The following ATP13A4 variants were observed in gnomAD, a reference collection of about 807,000 sequenced individuals.
The protein encoded by ATP13A4 is ATPase 13A4.
Under a neutral mutation model 142.5 loss-of-function variants are expected in ATP13A4, and 114 were observed. The observed-to-expected ratio is 0.80, with a 90% confidence interval of 0.69 to 0.93. The LOEUF (loss-of-function observed/expected upper bound fraction) is 0.93, where lower values mean the gene tolerates loss of function less well. ATP13A4 is among the 40% of genes least tolerant of loss of function. The pLI is 0.00. For missense variants in ATP13A4, 1,392 were observed against 1,454.0 expected, an observed-to-expected ratio of 0.96 and a Z score of 0.69; for synonymous variants, 488 against 514.8, an observed-to-expected ratio of 0.95 and a Z score of 0.70.
In ATP13A4 at chr3:193,461,235, TAAG is replaced by T. The variant is rs147502182; in HGVS notation, c.1523+1524_1523+1526del. On this transcript the variant is annotated intron_variant, in intron 13 of 29. Transcript: ENST00000342695. Reference sequence around the variant, plus strand: ...TATGAATAGTTTGGTGTCAATGGAATAAGAAGAACATTCAAAAGACAGAACATA... The same window carrying T: ...TATGAATAGTTTGGTGTCAATGGAATAAGAACATTCAAAAGACAGAACATA... 2.9e-3 allele frequency among the ~76,000 whole-genome samples: 449 copies of T among 152,304 alleles called. 4 individuals are homozygous for T. The highest frequency in any genetic ancestry group is 0.01 in the African/African-American group (417 of 41,576).
At chr3:193,488,822 G>C (rs987127902) in intron 7 of ATP13A4, among the ~76,000 whole-genome samples, 4 of 152,300 alleles carry the variant, frequency 2.6e-5, no homozygotes, top group African/African-American at 9.6e-5. Flanking sequence ...GAGAACTTGA[G>C]AATGTTAAAA....
intron 25 of ATP13A4, among the ~76,000 whole-genome samples, chr3:193,432,955 G>A (rs2108616470): frequency 6.6e-6 from 1 of 152,254 alleles, no homozygotes; most frequent in Middle Eastern, 3.4e-3. Context: ...GAACTGTAAT[G>A]TAAACGATGG....
At chr3:193,577,369 C>T (rs1724417937) in intron 2 of ATP13A4, among the ~76,000 whole-genome samples, 1 of 152,170 alleles carries the variant, frequency 6.6e-6, no homozygotes, top group African/African-American at 2.4e-5. Flanking sequence ...TCTTCTGCAC[C>T]TTTACTCTTA....
In ATP13A4 at chr3:193,554,870, G is replaced by A. The variant is rs919806229; in HGVS notation, c.-71C>T. 128 of 1,612,738 alleles carry A rather than the reference G, an allele frequency of 7.9e-5. 1 individual carries two copies. The East Asian group carries it at 2.3e-3, about 29-fold the overall frequency. ...CTTCCAGGATGAACTCCAACTCGCC[G>A]AGCCACCGCAGCTCCTCAGCTGACT... On this transcript the variant is annotated 5_prime_UTR_variant, in exon 1 of 30. Coordinates refer to ENST00000342695, the MANE Select transcript of ATP13A4 (RefSeq NM_032279.4).
At chr3:193,570,479 T>C (rs927968613) in intron 2 of ATP13A4, among the ~76,000 whole-genome samples, 8 of 152,336 alleles carry the variant, frequency 5.3e-5, no homozygotes, top group South Asian at 2.1e-4. Context: ...TTATAAATTA[T>C]ATACTAGCAA....
chr3:193,465,203 T>C (rs1718198294), intron 11 of ATP13A4, 75 bp from the exon 12 acceptor site: 1 of 1,491,182 alleles, frequency 6.7e-7, no homozygotes, highest in Non-Finnish European at 9.1e-7. Flanking sequence ...CCTTTTTTTT[T>C]TGAGGCGGAG....
chr3:193,528,870 A>G (rs575215326), intron 1 of ATP13A4, among the ~76,000 whole-genome samples: 1 of 8,004 alleles, frequency 1.2e-4, no homozygotes, highest in Admixed American at 2.0e-3. Context: ...TTTTTATTCA[A>G]TGGTCCATTT....
intron 1 of ATP13A4, among the ~76,000 whole-genome samples, chr3:193,592,702 T>A (rs1194816566): frequency 6.6e-6 from 1 of 152,200 alleles, no homozygotes; most frequent in African/African-American, 2.4e-5. Context: ...TCCCATCTGA[T>A]CCTCAGAGAT....
intron 19 of ATP13A4, among the ~76,000 whole-genome samples, chr3:193,441,896 T>C (rs1258993784): frequency 6.6e-6 from 1 of 152,168 alleles, no homozygotes; most frequent in Non-Finnish European, 1.5e-5. Context: ...AACAAATTTC[T>C]CCCTGAAATG....
chr3:193,419,629 C>T (rs953196653), intron 25 of ATP13A4, among the ~76,000 whole-genome samples: 8 of 148,698 alleles, frequency 5.4e-5, no homozygotes, highest in African/African-American at 1.2e-4. Context: ...ATGCTTTGGC[C>T]GAGCTCGCAG....
At chr3:193,545,071 CA>C (rs1723146569) in intron 1 of ATP13A4, among the ~76,000 whole-genome samples, 2 of 152,166 alleles carry the variant, frequency 1.3e-5, no homozygotes, top group Non-Finnish European at 2.9e-5. Flanking sequence ...GTCAATGTGA[CA>C]TGTTAAATAT....
intron 25 of ATP13A4, among the ~76,000 whole-genome samples, chr3:193,415,276 A>AT (rs996189079): frequency 1.3e-5 from 2 of 152,212 alleles, no homozygotes; most frequent in Non-Finnish European, 2.9e-5. Context: ...AAAACACTTA[A>AT]TGACAAATAA....
chr3:193,459,589 C>T (rs1211788101), intron 13 of ATP13A4, among the ~76,000 whole-genome samples: 1 of 152,144 alleles, frequency 6.6e-6, no homozygotes, highest in Admixed American at 6.5e-5. Context: ...AGGCAGCCAC[C>T]ACCATGTCAG....
At chr3:193,510,214 A>C (rs1182031851) in intron 2 of ATP13A4, among the ~76,000 whole-genome samples, 1 of 152,190 alleles carries the variant, frequency 6.6e-6, no homozygotes. Flanking sequence ...ACACTGGCAG[A>C]CTTTAAGATG....
chr3:193,418,203 G>C (rs1715203589), intron 25 of ATP13A4, among the ~76,000 whole-genome samples: 1 of 130,904 alleles, frequency 7.6e-6, no homozygotes, highest in Non-Finnish European at 1.5e-5. Context: ...TGTAGTCCCA[G>C]CTACTCAGGA....
chr3:193,489,406 C>T lies in ATP13A4; in HGVS notation c.738+324G>A, dbSNP rs535823422. The stretch of plus-strand genomic sequence containing the variant: ...TCCTCCACCTTCCAGCTCTCTGCCA[C>T]CATCCTCAAGTCCCATCAGTATTCT... On this transcript the variant is annotated intron_variant, in intron 7 of 29. Transcript: ENST00000342695. Among the ~76,000 whole-genome samples the T allele has an allele frequency of 1.2e-4, 19 of 152,286 alleles. No individual in the cohort carries two copies. In the South Asian group the frequency reaches 3.9e-3, roughly 32 times the overall value.
chr3:193,474,574 A>C (rs1400380642), intron 8 of ATP13A4, among the ~76,000 whole-genome samples: 1 of 149,648 alleles, frequency 6.7e-6, no homozygotes, highest in Non-Finnish European at 1.5e-5. Context: ...AGAGAGAAAG[A>C]AGGAAAGAAA....
intron 1 of ATP13A4, among the ~76,000 whole-genome samples, chr3:193,546,321 C>T (rs1336970094): frequency 2.0e-5 from 3 of 152,250 alleles, no homozygotes; most frequent in Admixed American, 1.3e-4. Flanking sequence ...CTCCCTAATT[C>T]CTGTTTACCC....
At chr3:193,477,340 G>A (rs1463704675) in intron 8 of ATP13A4, among the ~76,000 whole-genome samples, 1 of 151,956 alleles carries the variant, frequency 6.6e-6, no homozygotes, top group Non-Finnish European at 1.5e-5. Context: ...TAATAGAACA[G>A]ATGAAAAAAG....
Sources: gnomAD v4.1 joint callset for allele counts (sites outside exome capture counted in the v4.1 genomes callset) on GRCh38, gnomAD v4.1.1 for gene constraint, MANE v1.5 for transcripts, NCBI Gene and HGNC (gene_info 2026-07-23, HGNC 2026-07-21) for gene names.